The following CCSER1 variants were observed in gnomAD, a reference collection of about 807,000 sequenced individuals.
CCSER1 encodes the protein serine-rich coiled-coil domain-containing protein 1.
Under a neutral mutation model 82.0 loss-of-function variants are expected in CCSER1, and 41 were observed. That is an observed-to-expected ratio of 0.50 (90% CI 0.39 to 0.65). CCSER1 has a LOEUF of 0.65. Ranked by LOEUF, CCSER1 falls within the 30% of genes least tolerant of loss-of-function variation. The pLI is 0.00. For missense variants in CCSER1, 1,119 were observed against 1,064.2 expected, an observed-to-expected ratio of 1.05 and a Z score of -0.72; for synonymous variants, 414 against 383.9, an observed-to-expected ratio of 1.08 and a Z score of -0.92.
intron 7 of CCSER1, among the ~76,000 whole-genome samples, chr4:90,774,239 T>G (rs1393444782): frequency 6.6e-6 from 1 of 152,262 alleles, no homozygotes; most frequent in Middle Eastern, 3.4e-3. Flanking sequence ...AACAGCATGG[T>G]AAATTCCTGT....
intron 10 of CCSER1, among the ~76,000 whole-genome samples, chr4:91,148,138 T>C (rs1006781270): frequency 6.6e-6 from 1 of 152,212 alleles, no homozygotes; most frequent in Non-Finnish European, 1.5e-5. Context: ...AAATTTATGA[T>C]AATGCAATAT....
rs369598950 is a variant in CCSER1, at chr4:91,319,904, A to G, written c.2217+233910A>G. Among the ~76,000 whole-genome samples the G allele has an allele frequency of 2.0e-5, 3 of 152,000 alleles. No homozygotes were observed. The East Asian group carries it at 5.8e-4, about 29-fold the overall frequency. Reference sequence around the variant, plus strand: ...GGTCACCCACAATCCAAAATATTAAATGGAAAATTCCAGAAACAAACCAAT... The same window carrying G: ...GGTCACCCACAATCCAAAATATTAAGTGGAAAATTCCAGAAACAAACCAAT... On this transcript the variant is annotated intron_variant, in intron 10 of 10. Coordinates refer to ENST00000509176, the MANE Select transcript of CCSER1 (RefSeq NM_001145065.2).
chr4:91,439,932 G>A (rs1001468794), intron 10 of CCSER1, among the ~76,000 whole-genome samples: 1 of 152,218 alleles, frequency 6.6e-6, no homozygotes, highest in South Asian at 2.1e-4. Context: ...AAATATATAT[G>A]CACCCAATAC....
intron 1 of CCSER1, among the ~76,000 whole-genome samples, chr4:90,245,942 T>C (rs1344598967): frequency 1.3e-5 from 2 of 152,194 alleles, no homozygotes; most frequent in African/African-American, 4.8e-5. Flanking sequence ...CCTTAGGGAA[T>C]AACTATAAAT....
intron 7 of CCSER1, among the ~76,000 whole-genome samples, chr4:90,751,170 CA>C (rs1437018903): frequency 1.3e-5 from 2 of 152,036 alleles, no homozygotes; most frequent in Non-Finnish European, 2.9e-5. Context: ...AAAAGTAAGA[CA>C]TTGCCATAAG....
At chr4:90,698,968 G>C (rs190483962) in intron 6 of CCSER1, among the ~76,000 whole-genome samples, 7 of 152,150 alleles carry the variant, frequency 4.6e-5, no homozygotes, top group African/African-American at 1.7e-4. Flanking sequence ...CAGGGTGGTG[G>C]TGTGCACCTG....
At chr4:90,640,351 T>C (rs1726261438) in intron 6 of CCSER1, among the ~76,000 whole-genome samples, 1 of 152,134 alleles carries the variant, frequency 6.6e-6, no homozygotes. Context: ...TAAAAATAGC[T>C]TTTAAAGTAA....
Position 90,493,962 on chromosome 4 carries a change from C to A in CCSER1, c.1724+25608C>A, listed in dbSNP as rs527368954. ...TGGGCTAAATGCTCCAATTAAAAGA[C>A]AGACTGGCAATTGGATAAAGAGTCA... On this transcript the variant is annotated intron_variant, in intron 5 of 10. Transcript: ENST00000509176. Among the ~76,000 whole-genome samples, 5 of 152,274 alleles carry A rather than the reference C, an allele frequency of 3.3e-5. No homozygotes were observed. In the South Asian group the frequency reaches 1.0e-3, roughly 32 times the overall value.
intron 1 of CCSER1, among the ~76,000 whole-genome samples, chr4:90,262,576 A>G (rs574560795): frequency 1.3e-5 from 2 of 152,282 alleles, no homozygotes; most frequent in African/African-American, 4.8e-5. Context: ...TAGAGGATGT[A>G]TCTCCGGGTA....
intron 9 of CCSER1, among the ~76,000 whole-genome samples, chr4:91,079,537 A>T (rs983555619): frequency 6.6e-6 from 1 of 152,196 alleles, no homozygotes; most frequent in Admixed American, 6.5e-5. Flanking sequence ...ACCAGCTAAC[A>T]TCATAATGAC....
intron 5 of CCSER1, among the ~76,000 whole-genome samples, chr4:90,482,799 G>A (rs1766270902): frequency 6.6e-6 from 1 of 152,152 alleles, no homozygotes; most frequent in Non-Finnish European, 1.5e-5. Flanking sequence ...CAAGTATGTG[G>A]TCAGTTTTGG....
rs1327425235 is a variant in CCSER1 at position 91,114,216 on chromosome 4, C to T, written c.2217+28222C>T. 3.3e-5 allele frequency among the ~76,000 whole-genome samples: 5 copies of T among 152,112 alleles called. No individual in the cohort carries two copies. In the East Asian group the frequency reaches 5.8e-4, roughly 18 times the overall value. On this transcript the variant is annotated intron_variant, in intron 10 of 10. Transcript: ENST00000509176. ...ACATATCCATGAAATACAGACACTA[C>T]CTCCAAGCAGCTTATAAGCTTATGA...
intron 10 of CCSER1, among the ~76,000 whole-genome samples, chr4:91,216,474 C>A (rs1737249976): frequency 6.6e-6 from 1 of 152,084 alleles, no homozygotes; most frequent in Admixed American, 6.5e-5. Flanking sequence ...TGCGTGCCAC[C>A]ACACCCGGCT....
At chr4:91,431,510 C>G (rs79193475) in intron 10 of CCSER1, among the ~76,000 whole-genome samples, 1 of 151,950 alleles carries the variant, frequency 6.6e-6, no homozygotes, top group East Asian at 1.9e-4. Context: ...TCTTGTTGCC[C>G]GGGCTGGAGT....
At chr4:90,233,479 G>T (rs1159154163) in intron 1 of CCSER1, among the ~76,000 whole-genome samples, 1 of 152,040 alleles carries the variant, frequency 6.6e-6, no homozygotes, top group Non-Finnish European at 1.5e-5. Context: ...GTTGTGGGGT[G>T]GGGAAAGTGG....
At chr4:90,168,393 A>C (rs1259331421) in intron 1 of CCSER1, among the ~76,000 whole-genome samples, 2 of 152,080 alleles carry the variant, frequency 1.3e-5, no homozygotes, top group Admixed American at 1.3e-4. Flanking sequence ...TCAGATGAGT[A>C]GATTGAAAAA....
At chr4:91,440,259 A>C (rs1008340558) in intron 10 of CCSER1, among the ~76,000 whole-genome samples, 6 of 152,166 alleles carry the variant, frequency 3.9e-5, no homozygotes, top group African/African-American at 7.2e-5. Flanking sequence ...AATTAGAACA[A>C]ACTGTCTCTC....
intron 5 of CCSER1, among the ~76,000 whole-genome samples, chr4:90,597,765 T>C (rs1394206843): frequency 6.6e-6 from 1 of 152,052 alleles, no homozygotes; most frequent in East Asian, 1.9e-4. Context: ...GGCTTGTTAA[T>C]TTTATATCTT....
At chr4:90,640,210 A>G (rs1424810847) in intron 6 of CCSER1, among the ~76,000 whole-genome samples, 2 of 152,158 alleles carry the variant, frequency 1.3e-5, no homozygotes, top group African/African-American at 4.8e-5. Flanking sequence ...GTTAACTTGG[A>G]TAGTCAAAGC....
Sources: allele counts gnomAD v4.1 joint callset (sites outside exome capture counted in the v4.1 genomes callset), GRCh38; gene constraint gnomAD v4.1.1; transcripts MANE v1.5; gene names NCBI Gene and HGNC (gene_info 2026-07-23, HGNC 2026-07-21).